CENPP: variants seen among roughly 807,000 people sequenced by gnomAD.
The protein encoded by CENPP is centromere protein P.
A neutral mutation model predicts 35.6 loss-of-function variants in CENPP; 24 were observed. The ratio of observed to expected loss-of-function variants is 0.67; its 90% confidence interval spans 0.49 to 0.95. CENPP has a LOEUF of 0.95. Ranked by LOEUF, CENPP falls within the 40% of genes least tolerant of loss-of-function variation. The pLI is 0.00. For synonymous variants in CENPP, 120 were observed against 125.5 expected (o/e 0.96, Z 0.29); for missense variants, 332 against 345.3 (o/e 0.96, Z 0.31).
intron 5 of CENPP, among the ~76,000 whole-genome samples, chr9:92,577,797 T>A (rs1395784325): frequency 1.3e-5 from 2 of 151,770 alleles, no homozygotes; most frequent in Non-Finnish European, 2.9e-5. Flanking sequence ...TTTATTTATT[T>A]ATTTATTTAT....
At chr9:92,496,839 C>T (rs539120645) in intron 5 of CENPP, among the ~76,000 whole-genome samples, 1 of 152,112 alleles carries the variant, frequency 6.6e-6, no homozygotes. Context: ...ACAAAGGCTT[C>T]CTAAGAATCT....
At chr9:92,403,708 A>G (rs1324395597) in intron 5 of CENPP, 1 of 879,612 alleles carries the variant, frequency 1.1e-6, no homozygotes, top group Non-Finnish European at 1.4e-6. Flanking sequence ...AAGTTTCTTA[A>G]TAATTAAGTG....
At chr9:92,554,670 A>C (rs375080372) in intron 5 of CENPP, among the ~76,000 whole-genome samples, 4 of 150,278 alleles carry the variant, frequency 2.7e-5, no homozygotes, top group African/African-American at 2.4e-5. Flanking sequence ...TGGAGTCTTG[A>C]TCTGTCACCC....
intron 5 of CENPP, among the ~76,000 whole-genome samples, chr9:92,543,299 C>A (rs1849355556): frequency 6.6e-6 from 1 of 151,558 alleles, no homozygotes; most frequent in African/African-American, 2.4e-5. Flanking sequence ...TGGTGAAACC[C>A]CATCTCTATC....
chr9:92,607,099 T>A (rs1564019493), intron 5 of CENPP, among the ~76,000 whole-genome samples: 1 of 152,268 alleles, frequency 6.6e-6, no homozygotes, highest in Non-Finnish European at 1.5e-5. Context: ...TCCATTTGTA[T>A]GAAATGTCTT....
chr9:92,389,949 G>A, intron 5 of CENPP: 1 of 1,611,822 alleles, frequency 6.2e-7, no homozygotes, highest in Non-Finnish European at 8.5e-7. Flanking sequence ...AGTTTTAGTA[G>A]TTGATTTTCA....
chr9:92,514,966 T>C (rs1408750165), intron 5 of CENPP: 1 of 1,613,988 alleles, frequency 6.2e-7, no homozygotes, highest in African/African-American at 1.3e-5. Context: ...CCCCTCACTG[T>C]AAAGTTGCCC....
intron 5 of CENPP, among the ~76,000 whole-genome samples, chr9:92,560,163 T>C (rs893726709): frequency 1.3e-5 from 2 of 151,870 alleles, no homozygotes; most frequent in African/African-American, 4.8e-5. Flanking sequence ...TGAAACAAAA[T>C]GCAAGAAAAC....
At chr9:92,566,601 G>A (rs1338601156) in intron 5 of CENPP, among the ~76,000 whole-genome samples, 1 of 152,132 alleles carries the variant, frequency 6.6e-6, no homozygotes, top group African/African-American at 2.4e-5. Flanking sequence ...AAAGGGATTC[G>A]AAGGCAGATT....
chr9:92,433,789 G>A (rs1844178166), intron 5 of CENPP, among the ~76,000 whole-genome samples: 2 of 152,070 alleles, frequency 1.3e-5, no homozygotes, highest in Non-Finnish European at 2.9e-5. Context: ...AAAAGTAGCT[G>A]GGTACAGTGG....
At chr9:92,332,886 T>A (rs1254762493) in intron 2 of CENPP, among the ~76,000 whole-genome samples, 1 of 151,468 alleles carries the variant, frequency 6.6e-6, no homozygotes, top group Non-Finnish European at 1.5e-5. Flanking sequence ...TTTTTTTTTT[T>A]TACCTTCTCC....
chr9:92,379,869 G>A lies in CENPP; in HGVS notation c.564+10G>A. The A allele has an allele frequency of 1.3e-6, 2 of 1,532,334 alleles. No individual in the cohort carries two copies. The highest frequency in any genetic ancestry group is 1.8e-6 in the Non-Finnish European group (2 of 1,106,686). 94.9% of individuals were successfully genotyped at this position (1,532,334 alleles called of 1,614,324 possible). A position where few individuals can be genotyped will look rare whatever the true frequency, so the allele number is the denominator to read the frequency against. On this transcript the variant is annotated intron_variant, in intron 5 of 7. Coordinates refer to ENST00000375587, the MANE Select transcript of CENPP (RefSeq NM_001012267.3). The stretch of plus-strand genomic sequence containing the variant: ...GTTTAAACATCTCAAGGTAAAGTCT[G>A]AAGTCTTTGAATTTAAACATATATG...
At chr9:92,424,790 T>A (rs866000822) in intron 5 of CENPP, among the ~76,000 whole-genome samples, 1 of 152,182 alleles carries the variant, frequency 6.6e-6, no homozygotes, top group African/African-American at 2.4e-5. Flanking sequence ...TTCTCCTGTC[T>A]CAGCCTCCCA....
In CENPP at chr9:92,352,505, GTATACATA is replaced by G. The variant is rs1332368177; in HGVS notation, c.467+6723_467+6730del. 1.0e-3 allele frequency among the ~76,000 whole-genome samples: 50 copies of G among 49,756 alleles called. 2 individuals are homozygous for G. The highest frequency in any genetic ancestry group is 7.8e-3 in the African/African-American group (43 of 5,536). 32.6% of individuals were successfully genotyped at this position (49,756 alleles called of 152,430 possible). On this transcript the variant is annotated intron_variant, in intron 4 of 7. Transcript: ENST00000375587. ...TGTGTGTGTGTGTGTGTGTGTGTGT[GTATACATA>G]TATATATATATATATATATATATAT...
chr9:92,579,670 G>A (rs1331402422), intron 5 of CENPP, among the ~76,000 whole-genome samples: 1 of 149,932 alleles, frequency 6.7e-6, no homozygotes, highest in Non-Finnish European at 1.5e-5. Flanking sequence ...ACACTTTGCT[G>A]AAGTTGCTTA....
intron 4 of CENPP, among the ~76,000 whole-genome samples, chr9:92,361,777 C>T (rs1359499573): frequency 2.0e-5 from 3 of 152,112 alleles, no homozygotes; most frequent in East Asian, 1.9e-4. Flanking sequence ...CCACTGCACC[C>T]GGCTCAAATG....
intron 5 of CENPP, among the ~76,000 whole-genome samples, chr9:92,510,312 G>T (rs1275965815): frequency 6.6e-6 from 1 of 152,246 alleles, no homozygotes; most frequent in Admixed American, 6.5e-5. Context: ...AGAGAAAGCT[G>T]CCATAACTAC....
chr9:92,522,509 C>T, intron 5 of CENPP: 1 of 1,422,082 alleles, frequency 7.0e-7, no homozygotes, highest in Non-Finnish European at 9.3e-7. Context: ...CTCTCTCCTT[C>T]TCTTTCCCCA....
chr9:92,515,074 C>T (rs34758505), intron 5 of CENPP: 68,246 of 1,614,026 alleles, frequency 0.042, 1,733 homozygotes, highest in South Asian at 0.076. Context: ...TCTTACTATT[C>T]GGTCCATTCC....
Sources: allele counts gnomAD v4.1 joint callset (sites outside exome capture counted in the v4.1 genomes callset), GRCh38; gene constraint gnomAD v4.1.1; transcripts MANE v1.5; gene names NCBI Gene and HGNC (gene_info 2026-07-23, HGNC 2026-07-21).